Variants in LMO7 observed in about 807,000 individuals in gnomAD.
The protein encoded by LMO7 is LIM domain 7.
A neutral mutation model predicts 206.5 loss-of-function variants in LMO7; 120 were observed. The observed-to-expected ratio is 0.58, with a 90% CI of 0.50 to 0.68. LMO7 has a LOEUF of 0.68. LMO7 is among the 30% of genes least tolerant of loss of function. The pLI is 0.00. For missense variants in LMO7, 1,959 were observed against 1,957.9 expected, an observed-to-expected ratio of 1.00 and a Z score of -0.01; for synonymous variants, 706 against 681.5, an observed-to-expected ratio of 1.04 and a Z score of -0.56.
intron 4 of LMO7, among the ~76,000 whole-genome samples, chr13:75,766,750 A>G (rs960959010): frequency 3.3e-5 from 5 of 152,096 alleles, no homozygotes; most frequent in Non-Finnish European, 5.9e-5. Context: ...GCTTTTCTAG[A>G]GACTTGAAAC....
intron 11 of LMO7, among the ~76,000 whole-genome samples, chr13:75,813,079 C>T (rs1455598819): frequency 6.6e-6 from 1 of 152,198 alleles, no homozygotes; most frequent in Non-Finnish European, 1.5e-5. Flanking sequence ...AGGGCTTCGC[C>T]TCTGAGATAA....
intron 25 of LMO7, among the ~76,000 whole-genome samples, chr13:75,843,291 A>C (rs771582469): frequency 7.2e-5 from 11 of 152,158 alleles, no homozygotes; most frequent in Non-Finnish European, 1.5e-4. Context: ...TGAGCCAGGA[A>C]GGTCTTATGT....
chr13:75,710,391 G>T (rs922572936), intron 1 of LMO7, among the ~76,000 whole-genome samples: 8 of 152,172 alleles, frequency 5.3e-5, no homozygotes, highest in Non-Finnish European at 1.0e-4. Flanking sequence ...ACCTTGGGCA[G>T]TATGGCCATT....
At chr13:75,817,312 T>C (rs1339057309) in intron 12 of LMO7, 34 bp downstream of exon 12, 1 of 1,359,224 alleles carries the variant, frequency 7.4e-7, no homozygotes, top group Admixed American at 1.7e-5. Flanking sequence ...GGAGAGAGTG[T>C]ATTTGTCTAA....
chr13:75,812,360 T>A (rs1199697846), intron 11 of LMO7, among the ~76,000 whole-genome samples: 1 of 152,234 alleles, frequency 6.6e-6, no homozygotes, highest in Non-Finnish European at 1.5e-5. Flanking sequence ...CTTCAGAGAA[T>A]TCCTATAGTA....
At chr13:75,760,793 A>G (rs770177063) in intron 3 of LMO7, 139 bp from the exon 4 acceptor site, 17 of 1,543,308 alleles carry the variant, frequency 1.1e-5, no homozygotes, top group East Asian at 2.4e-5. Flanking sequence ...TTTCAAATAT[A>G]CATATGCATG....
intron 2 of LMO7, among the ~76,000 whole-genome samples, chr13:75,720,052 A>G (rs2043888380): frequency 6.6e-6 from 1 of 152,152 alleles, no homozygotes; most frequent in Admixed American, 6.5e-5. Flanking sequence ...GTGTAGTGGT[A>G]TCTCATTATT....
chr13:75,792,623 A>G (rs946341565), intron 4 of LMO7, among the ~76,000 whole-genome samples: 1 of 152,166 alleles, frequency 6.6e-6, no homozygotes, highest in African/African-American at 2.4e-5. Flanking sequence ...TTCTATTTTA[A>G]AGGACTTTGG....
chr13:75,842,398 C>T (rs1407452471), intron 24 of LMO7, among the ~76,000 whole-genome samples: 1 of 152,110 alleles, frequency 6.6e-6, no homozygotes, highest in Admixed American at 6.6e-5. Context: ...TCATTTTCTT[C>T]TAGTTTCTGC....
intron 1 of LMO7, among the ~76,000 whole-genome samples, chr13:75,697,328 G>A (rs2041977550): frequency 6.6e-6 from 1 of 152,164 alleles, no homozygotes; most frequent in South Asian, 2.1e-4. Context: ...AGGTTTAATG[G>A]ACTCAGTTCT....
At position 75,713,266 on chromosome 13, in the gene LMO7, GTATTTAAAAAATAATTCAAAAGCAAAGA is replaced by G. The variant is rs1339236575; in HGVS notation, c.140+18_140+45del. 2 of 1,583,500 alleles carry G rather than the reference GTATTTAAAAAATAATTCAAAAGCAAAGA, an allele frequency of 1.3e-6. No individual in the cohort carries two copies. Among genetic ancestry groups the G allele is most frequent in the Admixed American group, 3.5e-5 (2 of 57,788 alleles). On this transcript the variant is annotated intron_variant, in intron 2 of 30. Transcript: ENST00000377534. Reference sequence around the variant, plus strand: ...TCTGCTGTGTGAGTAAGTATTTAAAGTATTTAAAAAATAATTCAAAAGCAAAGATATGTGTGTGTGTGAGTGATGAGGT... The same window carrying G: ...TCTGCTGTGTGAGTAAGTATTTAAAGTATGTGTGTGTGTGAGTGATGAGGT...
At chr13:75,819,566 CAG>C in intron 13 of LMO7, 31 bp downstream of exon 13, 1 of 1,541,690 alleles carries the variant, frequency 6.5e-7, no homozygotes, top group Non-Finnish European at 8.7e-7. Flanking sequence ...TCGGTTGTAA[CAG>C]GGTTGGAGAT....
chr13:75,852,700 G>C (rs1695259838), intron 27 of LMO7, among the ~76,000 whole-genome samples: 1 of 152,188 alleles, frequency 6.6e-6, no homozygotes, highest in African/African-American at 2.4e-5. Flanking sequence ...TGTATGACCA[G>C]TCTGTTGTTG....
chr13:75,727,599 T>C (rs2044602348), intron 3 of LMO7, among the ~76,000 whole-genome samples: 2 of 152,040 alleles, frequency 1.3e-5, no homozygotes, highest in Non-Finnish European at 2.9e-5. Context: ...GTAGCACATG[T>C]ATTGCCTATA....
At chr13:75,729,612 C>A (rs1301790655) in intron 3 of LMO7, among the ~76,000 whole-genome samples, 8 of 149,944 alleles carry the variant, frequency 5.3e-5, no homozygotes, top group African/African-American at 2.0e-4. Context: ...AATTGAATAC[C>A]CTTTATTTCC....
intron 1 of LMO7, among the ~76,000 whole-genome samples, chr13:75,645,476 G>A (rs12430746): frequency 0.19 from 28,823 of 151,988 alleles, 3,532 homozygotes; most frequent in Admixed American, 0.35. Flanking sequence ...TTGTACCACT[G>A]CACTCTAGCC....
intron 4 of LMO7, among the ~76,000 whole-genome samples, chr13:75,790,434 C>T (rs2053107639): frequency 6.6e-6 from 1 of 152,142 alleles, no homozygotes; most frequent in Non-Finnish European, 1.5e-5. Context: ...AAAGTGGAGC[C>T]AGAATTTACA....
rs111353287 is a variant in LMO7, at chr13:75,693,432, C to A, written c.70-19750C>A. Reference sequence around the variant, plus strand: ...TTCATATCAGCTGTGTGGATCTCCCCTGTCTGTGGCTGCCACCTGGCTCTG... The same window carrying A: ...TTCATATCAGCTGTGTGGATCTCCCATGTCTGTGGCTGCCACCTGGCTCTG... On this transcript the variant is annotated intron_variant, in intron 1 of 30. Transcript: ENST00000377534. Among the ~76,000 whole-genome samples the A allele has an allele frequency of 1.3e-3, 178 of 141,120 alleles. 1 individual carries two copies. Among genetic ancestry groups the A allele is most frequent in the African/African-American group, 4.4e-3 (169 of 38,004 alleles). 92.6% of individuals were successfully genotyped at this position (141,120 alleles called of 152,430 possible).
chr13:75,672,005 A>C (rs1187753020), intron 1 of LMO7, among the ~76,000 whole-genome samples: 1 of 152,128 alleles, frequency 6.6e-6, no homozygotes, highest in African/African-American at 2.4e-5. Context: ...TAATTTTTAA[A>C]AATACAAATA....
Sources: allele counts gnomAD v4.1 joint callset (sites outside exome capture counted in the v4.1 genomes callset), GRCh38; gene constraint gnomAD v4.1.1; transcripts MANE v1.5; gene names NCBI Gene and HGNC (gene_info 2026-07-23, HGNC 2026-07-21).